Variants in FANCC observed in about 807,000 individuals in gnomAD.
The protein encoded by FANCC is FA complementation group C.
A neutral mutation model predicts 71.3 loss-of-function variants in FANCC; 55 were observed. The observed-to-expected ratio is 0.77, with a 90% CI of 0.62 to 0.97. FANCC has a LOEUF of 0.97. Among genes scored for constraint, FANCC ranks in the 50% least tolerant of loss-of-function variants. FANCC has a pLI of 0.00. For synonymous variants in FANCC, 275 were observed against 244.9 expected, an observed-to-expected ratio of 1.12 and a Z score of -1.15; for missense variants, 678 against 670.9, an observed-to-expected ratio of 1.01 and a Z score of -0.12.
At chr9:95,314,625 C>A (rs1307030359) in intron 1 of FANCC, among the ~76,000 whole-genome samples, 1 of 151,608 alleles carries the variant, frequency 6.6e-6, no homozygotes, top group African/African-American at 2.4e-5. Context: ...GCACTCCAGT[C>A]TGGGCAAACA....
intron 4 of FANCC, among the ~76,000 whole-genome samples, chr9:95,221,390 C>A (rs528179663): frequency 1.3e-5 from 2 of 152,116 alleles, no homozygotes; most frequent in East Asian, 3.9e-4. Context: ...ACACATAAAA[C>A]TTTTGGAAGA....
At chr9:95,209,507 T>A (rs1828362393) in intron 4 of FANCC, among the ~76,000 whole-genome samples, 1 of 152,220 alleles carries the variant, frequency 6.6e-6, no homozygotes, top group African/African-American at 2.4e-5. Flanking sequence ...TACCTGTACC[T>A]TCCACTCAAT....
chr9:95,220,807 T>C (rs1805225323), intron 4 of FANCC, among the ~76,000 whole-genome samples: 1 of 152,108 alleles, frequency 6.6e-6, no homozygotes, highest in African/African-American at 2.4e-5. Context: ...ACATGGCACA[T>C]GTATACATAT....
intron 1 of FANCC, among the ~76,000 whole-genome samples, chr9:95,259,228 G>A (rs1462339428): frequency 2.0e-5 from 3 of 152,264 alleles, no homozygotes; most frequent in Middle Eastern, 3.4e-3. Context: ...AGTCCATATA[G>A]CCAAGACAAT....
chr9:95,213,502 G>A (rs1828637502), intron 4 of FANCC, among the ~76,000 whole-genome samples: 1 of 152,066 alleles, frequency 6.6e-6, no homozygotes, highest in Admixed American at 6.6e-5. Context: ...ATAAATCCCT[G>A]CATATCTGGT....
intron 1 of FANCC, among the ~76,000 whole-genome samples, chr9:95,295,362 C>A (rs1247895208): frequency 2.0e-5 from 3 of 151,772 alleles, no homozygotes; most frequent in Non-Finnish European, 4.4e-5. Flanking sequence ...AAACAAAAAA[C>A]AAAACAAAAC....
At chr9:95,282,919 T>A (rs955973054) in intron 1 of FANCC, among the ~76,000 whole-genome samples, 8 of 152,142 alleles carry the variant, frequency 5.3e-5, no homozygotes, top group African/African-American at 9.7e-5. Context: ...TCCTATGGGA[T>A]AGAGCAAAAA....
At chr9:95,233,221 AC>A (rs1047907357) in intron 4 of FANCC, among the ~76,000 whole-genome samples, 30 of 152,160 alleles carry the variant, frequency 2.0e-4, no homozygotes, top group African/African-American at 7.0e-4. Context: ...AAAAAAAAAA[AC>A]CCTGAGGTTG....
intron 1 of FANCC, among the ~76,000 whole-genome samples, chr9:95,314,319 AC>A (rs1835601197): frequency 1.3e-5 from 2 of 152,338 alleles, no homozygotes; most frequent in East Asian, 3.9e-4. Flanking sequence ...CGGCTGCTCT[AC>A]CTGTGGAGTA....
intron 1 of FANCC, among the ~76,000 whole-genome samples, chr9:95,316,231 T>C (rs1835731486): frequency 6.6e-6 from 1 of 152,276 alleles, no homozygotes; most frequent in African/African-American, 2.4e-5. Flanking sequence ...CAAATTCTTT[T>C]TCGATGCAGC....
At chr9:95,183,948 A>G (rs985774027) in intron 4 of FANCC, among the ~76,000 whole-genome samples, 4 of 152,226 alleles carry the variant, frequency 2.6e-5, no homozygotes, top group Admixed American at 2.6e-4. Flanking sequence ...TTGGCCCACC[A>G]AAATGTATTT....
At chr9:95,303,026 A>G (rs1053243751) in intron 1 of FANCC, among the ~76,000 whole-genome samples, 9 of 152,282 alleles carry the variant, frequency 5.9e-5, no homozygotes, top group African/African-American at 2.2e-4. Context: ...CCCACTGGAC[A>G]AGAAAAAAAA....
intron 1 of FANCC, among the ~76,000 whole-genome samples, chr9:95,265,282 C>T (rs1832318212): frequency 6.6e-6 from 1 of 152,182 alleles, no homozygotes; most frequent in Admixed American, 6.5e-5. Context: ...ATATACTCTT[C>T]AGATGACTTT....
intron 1 of FANCC, among the ~76,000 whole-genome samples, chr9:95,316,460 A>G (rs971481440): frequency 1.3e-5 from 2 of 152,260 alleles, no homozygotes; most frequent in African/African-American, 4.8e-5. Flanking sequence ...GTCTGAGGGC[A>G]TATCACTGAC....
At chr9:95,252,851 C>T (rs1283599600) in intron 1 of FANCC, among the ~76,000 whole-genome samples, 1 of 150,732 alleles carries the variant, frequency 6.6e-6, no homozygotes, top group Non-Finnish European at 1.5e-5. Context: ...GAGTTTGAGA[C>T]CAGCCTGGGC....
intron 12 of FANCC, among the ~76,000 whole-genome samples, chr9:95,112,654 G>A (rs1401352460): frequency 1.3e-5 from 2 of 152,218 alleles, no homozygotes; most frequent in Admixed American, 1.3e-4. Flanking sequence ...AGGGTAGACA[G>A]ATGCACAGAG....
intron 6 of FANCC, among the ~76,000 whole-genome samples, chr9:95,168,133 T>C (rs1041724663): frequency 1.1e-4 from 16 of 152,194 alleles, no homozygotes; most frequent in African/African-American, 3.6e-4. Context: ...GTTTGTGGTA[T>C]TGCAGATTCT....
At chr9:95,239,724 A>G (rs1234139430) in intron 4 of FANCC, among the ~76,000 whole-genome samples, 7 of 152,116 alleles carry the variant, frequency 4.6e-5, no homozygotes, top group African/African-American at 1.7e-4. Context: ...ACTCCCTTCT[A>G]TCTTTCAAAC....
At chr9:95,201,113 A>C (rs1009888312) in intron 4 of FANCC, among the ~76,000 whole-genome samples, 1 of 152,246 alleles carries the variant, frequency 6.6e-6, no homozygotes, top group African/African-American at 2.4e-5. Flanking sequence ...AACATTTTTG[A>C]AAGTTTTCAA....
Sources: allele counts gnomAD v4.1 joint callset (sites outside exome capture counted in the v4.1 genomes callset), GRCh38; gene constraint gnomAD v4.1.1; transcripts MANE v1.5; gene names NCBI Gene and HGNC (gene_info 2026-07-23, HGNC 2026-07-21).